The following SLC9A3 variants were observed in gnomAD, a reference collection of about 807,000 sequenced individuals.
SLC9A3 encodes the protein sodium/hydrogen exchanger 3.
SLC9A3 carries 37 observed loss-of-function variants against 86.8 expected under a neutral mutation model. The observed-to-expected ratio is 0.43, with a 90% CI of 0.33 to 0.56. SLC9A3 has a LOEUF of 0.56. Among genes scored for constraint, SLC9A3 ranks in the 20% least tolerant of loss-of-function variants. The pLI is 0.06. For synonymous variants in SLC9A3, 581 were observed against 528.3 expected, an observed-to-expected ratio of 1.10 and a Z score of -1.37; for missense variants, 1,011 against 1,171.9, an observed-to-expected ratio of 0.86 and a Z score of 2.00.
At position 476,389 on chromosome 5, in the gene SLC9A3, A is replaced by C. The variant is rs1440103995; in HGVS notation, c.1891-11T>G. On this transcript the variant is annotated splice_polypyrimidine_tract_variant and intron_variant, in intron 12 of 16. Transcript: ENST00000264938. ...GTACAGATGCTTGTACTGCGGGATC[A>C]GGCACGGAGGTCACAGCTGTGCCCA... 1 of 1,613,346 alleles carries C rather than the reference A, an allele frequency of 6.2e-7. No individual in the cohort carries two copies.
At chr5:495,423 C>T (rs555457727) in intron 1 of SLC9A3, among the ~76,000 whole-genome samples, 300 of 137,260 alleles carry the variant, frequency 2.2e-3, no homozygotes, top group Non-Finnish European at 3.8e-3. Context: ...CTCCCCGCGC[C>T]ATCGCCGACC....
chr5:519,188 C>T (rs76786294), intron 1 of SLC9A3, among the ~76,000 whole-genome samples: 4,030 of 152,268 alleles, frequency 0.026, 153 homozygotes, highest in African/African-American at 0.088. Context: ...GCATACCTCT[C>T]CTGCCAGGAC....
intron 1 of SLC9A3, among the ~76,000 whole-genome samples, chr5:512,280 G>T (rs148379178): frequency 8.3e-4 from 123 of 147,542 alleles, no homozygotes; most frequent in African/African-American, 3.0e-3. Context: ...AATGTACCAA[G>T]AACGAGCCCT....
intron 1 of SLC9A3, among the ~76,000 whole-genome samples, chr5:501,414 C>G (rs1237429761): frequency 6.6e-6 from 1 of 152,254 alleles, no homozygotes; most frequent in African/African-American, 2.4e-5. Context: ...TAAACTCTGC[C>G]TCCCAGAAAC....
chr5:483,212 C>T (rs565747558), intron 6 of SLC9A3, 50 bp downstream of exon 6: 142 of 1,378,322 alleles, frequency 1.0e-4, no homozygotes, highest in South Asian at 7.3e-4. Context: ...TTCCCGGAGA[C>T]GGTGCCGGCC....
At chr5:516,171 C>T (rs1033429106) in intron 1 of SLC9A3, among the ~76,000 whole-genome samples, 7 of 150,320 alleles carry the variant, frequency 4.7e-5, no homozygotes, top group Admixed American at 1.3e-4. Flanking sequence ...TGGCTGCCCC[C>T]TCTGCCCCAG....
chr5:475,932 C>T, intron 14 of SLC9A3, 88 bp downstream of exon 14: 1 of 1,200,176 alleles, frequency 8.3e-7, no homozygotes, highest in Non-Finnish European at 1.2e-6. Context: ...GGGGAAGGTC[C>T]TGAGAGGGGA....
chr5:473,426 T>C, intron 16 of SLC9A3, 44 bp from the exon 17 acceptor site: 1 of 1,360,078 alleles, frequency 7.4e-7, no homozygotes. Flanking sequence ...GCCCGGGCGC[T>C]GGGGCGGGAG....
chr5:509,318 G>A lies in SLC9A3; in HGVS notation c.211+14794C>T, dbSNP rs571959572. ...AAATTACAAAAATTAGCTGGGTACC[G>A]TGGCGCATGCCTGTAATCCCAGCTA... is the stretch of plus-strand genomic sequence containing the variant. On this transcript the variant is annotated intron_variant, in intron 1 of 16. Transcript: ENST00000264938. Among the ~76,000 whole-genome samples the A allele has an allele frequency of 1.8e-4, 28 of 151,668 alleles. 1 individual carries two copies. Among genetic ancestry groups the A allele is most frequent in the South Asian group, 1.0e-3 (5 of 4,796 alleles).
intron 9 of SLC9A3, 31 bp downstream of exon 9, chr5:481,534 C>T (rs373068203): frequency 1.7e-5 from 27 of 1,575,032 alleles, no homozygotes; most frequent in East Asian, 8.9e-5. Context: ...CCGGGCTGTG[C>T]GACACCGCCG....
At chr5:477,551 C>CT (rs1246498839) in intron 10 of SLC9A3, 107 bp from the exon 11 acceptor site, 2 of 706,402 alleles carry the variant, frequency 2.8e-6, no homozygotes, top group East Asian at 6.0e-5. Flanking sequence ...CGGGGAAAGC[C>CT]TTGAGACCTG....
In SLC9A3 at chr5:497,206, GT is replaced by G. The variant is rs1482838882; in HGVS notation, c.212-5136del. On this transcript the variant is annotated intron_variant, in intron 1 of 16. Coordinates refer to ENST00000264938, the MANE Select transcript of SLC9A3 (RefSeq NM_004174.4). The surrounding 1 kb of genome is among the most constrained non-coding windows in gnomAD (Gnocchi z 5.4). ...CTGGAAGTGGATCTGGGTGGCACTG[GT>G]GGGTGCTCCCGGTGCCCAGGCCGCT... Among the ~76,000 whole-genome samples, 1 of 152,200 alleles carries G rather than the reference GT, an allele frequency of 6.6e-6. No homozygotes were observed. The highest frequency in any genetic ancestry group is 1.5e-5 in the Non-Finnish European group (1 of 68,024).
chr5:517,865 TCATC>T (rs1251307591), intron 1 of SLC9A3, among the ~76,000 whole-genome samples: 10 of 147,558 alleles, frequency 6.8e-5, no homozygotes, highest in African/African-American at 2.3e-4. Context: ...GACCATTCAC[TCATC>T]CATCCATCCA....
chr5:475,461 C>G, intron 15 of SLC9A3, 100 bp downstream of exon 15: 3 of 732,758 alleles, frequency 4.1e-6, no homozygotes, highest in Non-Finnish European at 7.0e-6. Flanking sequence ...GAGACCCCAC[C>G]CCCCCAGGTC....
chr5:483,060 G>T (rs2126618865), intron 6 of SLC9A3, among the ~76,000 whole-genome samples: 1 of 152,180 alleles, frequency 6.6e-6, no homozygotes, highest in African/African-American at 2.4e-5. Context: ...ACATCCAGTG[G>T]AGTCAGTGGG....
intron 1 of SLC9A3, among the ~76,000 whole-genome samples, chr5:499,710 G>GGCCCTC (rs1740175888): frequency 6.6e-6 from 1 of 152,218 alleles, no homozygotes; most frequent in Non-Finnish European, 1.5e-5. Flanking sequence ...GGGACACGTG[G>GGCCCTC]GCCCTCGAGG....
rs547194618 is a variant in SLC9A3, at chr5:488,549, C to T, written c.515-73G>A. ...AGGAGGAGGGCCCTGGGGAGGCGCT[C>T]GCCTACGGGTCGGGGTTCGGAGCCC... On this transcript the variant is annotated intron_variant, in intron 2 of 16. Coordinates refer to ENST00000264938, the MANE Select transcript of SLC9A3 (RefSeq NM_004174.4). The T allele has an allele frequency of 9.4e-5, 133 of 1,411,808 alleles. No homozygotes were observed. In the South Asian group the frequency reaches 1.4e-3, roughly 15 times the overall value. 87.5% of individuals were successfully genotyped at this position (1,411,808 alleles called of 1,614,324 possible).
chr5:483,516 C>A (rs1268194337), intron 5 of SLC9A3, 34 bp from the exon 6 acceptor site: 2 of 1,484,892 alleles, frequency 1.3e-6, no homozygotes, highest in African/African-American at 2.8e-5. Flanking sequence ...GACACGGCCA[C>A]CTGGCCTGGC....
rs1423422756 is a variant in SLC9A3 at position 475,206 on chromosome 5, C to T, written c.2252-74G>A. ...GCAGGGGAGACCTCGCCGGGGCCGT[C>T]ACCTGCTGGGTGCCTTGGAAAGTTA... On this transcript the variant is annotated intron_variant, in intron 15 of 16. Coordinates refer to ENST00000264938, the MANE Select transcript of SLC9A3 (RefSeq NM_004174.4). 4.8e-6 allele frequency: 7 copies of T among 1,470,960 alleles called. No individual in the cohort carries two copies. In the South Asian group the frequency reaches 7.9e-5, roughly 17 times the overall value. The allele number at this position is 1,470,960 out of a possible 1,614,324, so 91.1% of individuals were successfully genotyped here. A position where few individuals can be genotyped will look rare whatever the true frequency, so the allele number is the denominator to read the frequency against.
Sources: allele counts gnomAD v4.1 joint callset (sites outside exome capture counted in the v4.1 genomes callset), GRCh38; gene constraint gnomAD v4.1.1; non-coding constraint Gnocchi (gnomAD v3.1); transcripts MANE v1.5; gene names NCBI Gene and HGNC (gene_info 2026-07-23, HGNC 2026-07-21).